EXOC2: variants seen among roughly 807,000 people sequenced by gnomAD.
EXOC2 encodes the protein SEC5-like 1.
In EXOC2, 70 loss-of-function variants were observed where a neutral mutation model predicts 131.8. The ratio of observed to expected loss-of-function variants is 0.53; its 90% CI spans 0.44 to 0.65. The LOEUF (loss-of-function observed/expected upper bound fraction) is 0.65. Among genes scored for constraint, EXOC2 ranks in the 30% least tolerant of loss-of-function variants. The pLI, the probability that EXOC2 is intolerant of heterozygous loss-of-function variation, is 0.00. For synonymous variants in EXOC2, 411 were observed against 398.4 expected (o/e 1.03, Z -0.38); for missense variants, 923 against 1,108.6 (o/e 0.83, Z 2.38).
intron 4 of EXOC2, among the ~76,000 whole-genome samples, chr6:625,232 T>A (rs17756753): frequency 6.6e-6 from 1 of 152,126 alleles, no homozygotes; most frequent in African/African-American, 2.4e-5. Context: ...GAGGACTCTC[T>A]GCAGCAATGA....
intron 26 of EXOC2, among the ~76,000 whole-genome samples, chr6:490,066 A>G (rs1025498002): frequency 6.6e-6 from 1 of 152,178 alleles, no homozygotes; most frequent in South Asian, 2.1e-4. Context: ...GTTTCTTATG[A>G]ACCTCTTTTT....
rs1191805544 is a variant in EXOC2, at chr6:564,120, G to C, written c.1702C>G (p.Pro568Ala). 2 of 1,614,116 alleles carry C rather than the reference G, an allele frequency of 1.2e-6. No individual in the cohort carries two copies. The highest frequency in any genetic ancestry group is 2.2e-5 in the East Asian group (1 of 44,882). ...TGGATAGTCTGTAACAGGTCATTAG[G>C]AATTTCAAGGGCAGTCAACGATTCA... ...THESLTALEI[P>A]NDLLQTIQDL... Residue 568 changes from proline (P) to alanine (A), a missense_variant, in exon 16 of 28, where the codon CCT becomes GCT. Transcript: ENST00000230449.
intron 1 of EXOC2, among the ~76,000 whole-genome samples, chr6:687,152 G>A (rs139505479): frequency 1.5e-5 from 2 of 134,358 alleles, no homozygotes; most frequent in African/African-American, 5.4e-5. Flanking sequence ...GATTGAAGAA[G>A]TCATTATCAA....
intron 23 of EXOC2, among the ~76,000 whole-genome samples, chr6:518,378 T>C (rs2493015): frequency 0.25 from 37,761 of 152,124 alleles, 5,227 homozygotes; most frequent in African/African-American, 0.37. Flanking sequence ...TCTCAAAATT[T>C]CCATAACCAA....
rs1762984217 is a variant in EXOC2, at chr6:485,222, T to C, written c.*1449A>G. The C allele has an allele frequency of 6.6e-6, 1 of 152,256 alleles. No individual in the cohort carries two copies. The highest frequency in any genetic ancestry group is 2.4e-5 in the African/African-American group (1 of 41,470). 9.4% of individuals were successfully genotyped at this position (152,256 alleles called of 1,614,324 possible). On this transcript the variant is annotated 3_prime_UTR_variant, in exon 28 of 28. Transcript: ENST00000230449. ...TTTAAAATATCACAAACATTCATGA[T>C]TGCAGTTTTTAAACTTAGCTCACAG...
At chr6:643,748 A>T (rs1007589079) in intron 1 of EXOC2, among the ~76,000 whole-genome samples, 4 of 152,088 alleles carry the variant, frequency 2.6e-5, no homozygotes, top group Non-Finnish European at 5.9e-5. Context: ...AATTTGAAAA[A>T]AATTAAAGCC....
Position 552,555 on chromosome 6 carries a change from C to T in EXOC2, c.2121+1299G>A, listed in dbSNP as rs779526679. On this transcript the variant is annotated intron_variant, in intron 21 of 27. Coordinates refer to ENST00000230449, the MANE Select transcript of EXOC2 (RefSeq NM_018303.6). ...TTCACAAATCTGTATCTAGATTTCTCTCCTGGGATCTAAACAAGGACATTC... is the reference window on the plus strand; with the variant it reads ...TTCACAAATCTGTATCTAGATTTCTTTCCTGGGATCTAAACAAGGACATTC... 5.3e-5 allele frequency among the ~76,000 whole-genome samples: 8 copies of T among 152,254 alleles called. No homozygotes were observed. In the South Asian group the frequency reaches 6.2e-4, roughly 12 times the overall value.
intron 7 of EXOC2, among the ~76,000 whole-genome samples, chr6:606,116 A>G (rs980157994): frequency 2.0e-5 from 3 of 152,334 alleles, no homozygotes; most frequent in African/African-American, 7.2e-5. Context: ...TGTCCTTCGT[A>G]GGGACATGGA....
At chr6:668,122 TGTCTGAGTGTA>T (rs1561993377) in intron 1 of EXOC2, among the ~76,000 whole-genome samples, 1 of 152,232 alleles carries the variant, frequency 6.6e-6, no homozygotes, top group African/African-American at 2.4e-5. Flanking sequence ...GAATAGGATA[TGTCTGAGTGTA>T]GATTTTTTGG....
intron 11 of EXOC2, among the ~76,000 whole-genome samples, chr6:583,624 T>C (rs1759036428): frequency 6.6e-6 from 1 of 152,352 alleles, no homozygotes; most frequent in South Asian, 2.1e-4. Flanking sequence ...GGTTACTGAC[T>C]TCTTCCACTT....
chr6:530,465 G>A (rs1289765803), intron 23 of EXOC2, among the ~76,000 whole-genome samples: 14 of 152,298 alleles, frequency 9.2e-5, no homozygotes, highest in East Asian at 3.9e-4. Flanking sequence ...AACATTTCCC[G>A]CGGGCACAGA....
chr6:495,176 A>G (rs1296237399), intron 25 of EXOC2, among the ~76,000 whole-genome samples: 1 of 141,488 alleles, frequency 7.1e-6, no homozygotes, highest in Non-Finnish European at 1.5e-5. Context: ...TCCAGGCCAG[A>G]CTGCAGTGGT....
chr6:574,592 A>T (rs1416748271), intron 12 of EXOC2, among the ~76,000 whole-genome samples: 1 of 152,178 alleles, frequency 6.6e-6, no homozygotes, highest in African/African-American at 2.4e-5. Flanking sequence ...TTGCAGGAAA[A>T]AGTTTTAAAC....
At chr6:644,171 A>T (rs1369952518) in intron 1 of EXOC2, among the ~76,000 whole-genome samples, 2 of 152,170 alleles carry the variant, frequency 1.3e-5, no homozygotes, top group Non-Finnish European at 2.9e-5. Context: ...AGTAGGGTTT[A>T]TTCCAACCAA....
chr6:649,895 C>T (rs1183049394), intron 1 of EXOC2, among the ~76,000 whole-genome samples: 1 of 152,154 alleles, frequency 6.6e-6, no homozygotes, highest in Non-Finnish European at 1.5e-5. Flanking sequence ...TGTTTTCTTG[C>T]TTCTCAGTAG....
At chr6:523,208 G>A (rs561362849) in intron 23 of EXOC2, among the ~76,000 whole-genome samples, 1 of 152,336 alleles carries the variant, frequency 6.6e-6, no homozygotes, top group Non-Finnish European at 1.5e-5. Flanking sequence ...GTGTGTCCAA[G>A]TGCTACCAGT....
chr6:489,063 A>T, intron 26 of EXOC2, 25 bp from the exon 27 acceptor site: 1 of 1,613,076 alleles, frequency 6.2e-7, no homozygotes, highest in Non-Finnish European at 8.5e-7. Flanking sequence ...GCCACACTGA[A>T]GTTGAAGCCT....
Position 549,278 on chromosome 6 carries a change from A to G in EXOC2, c.2135T>C (p.Leu712Ser). Reference sequence around the variant, plus strand: ...ATAGCAGCAATTACTTAGGACTATCAAAAGGCGCTGTTCCTAAAAGCAAAA... The same window carrying G: ...ATAGCAGCAATTACTTAGGACTATCGAAAGGCGCTGTTCCTAAAAGCAAAA... ...DFSLTSEQRLLIVLSNCCYLE... is the reference protein window; with the variant it reads ...DFSLTSEQRLSIVLSNCCYLE... Residue 712 changes from leucine (L) to serine (S), a missense_variant, in exon 22 of 28, where the codon TTG (leucine) becomes TCG (serine). Coordinates refer to ENST00000230449, the MANE Select transcript of EXOC2 (RefSeq NM_018303.6). 1 of 1,613,726 alleles carries G rather than the reference A, an allele frequency of 6.2e-7. No homozygotes were observed. Among genetic ancestry groups the G allele is most frequent in the Non-Finnish European group, 8.5e-7 (1 of 1,179,638 alleles).
At chr6:641,509 A>AGGC (rs529287525) in intron 1 of EXOC2, among the ~76,000 whole-genome samples, 11 of 152,190 alleles carry the variant, frequency 7.2e-5, no homozygotes, top group Non-Finnish European at 1.6e-4. Flanking sequence ...TCCTGTGGAG[A>AGGC]GGCGGGGCTG....
Sources: allele counts gnomAD v4.1 joint callset (sites outside exome capture counted in the v4.1 genomes callset), GRCh38; gene constraint gnomAD v4.1.1; transcripts MANE v1.5; gene names NCBI Gene and HGNC (gene_info 2026-07-23, HGNC 2026-07-21).